Variants in ARHGAP29 observed in about 807,000 individuals in gnomAD.
ARHGAP29 encodes the protein Rho GTPase activating protein 29, also known as rho GTPase-activating protein 29.
ARHGAP29 carries 43 observed loss-of-function variants against 122.6 expected under a neutral mutation model. That is an observed-to-expected ratio of 0.35 (90% CI 0.27 to 0.45). The LOEUF (loss-of-function observed/expected upper bound fraction) is 0.45, where lower values mean the gene tolerates loss of function less well. Among genes scored for constraint, ARHGAP29 ranks in the 20% least tolerant of loss-of-function variants. The pLI, the probability that ARHGAP29 is intolerant of heterozygous loss-of-function variation, is 1.00. For missense variants in ARHGAP29, 1,303 were observed against 1,477.2 expected (o/e 0.88, Z 1.93); for synonymous variants, 506 against 497.1 (o/e 1.02, Z -0.24).
At chr1:94,178,214 T>C (rs1246381443) in intron 20 of ARHGAP29, 47 bp from the exon 21 acceptor site, 1 of 1,544,032 alleles carries the variant, frequency 6.5e-7, no homozygotes, top group Admixed American at 1.9e-5. Context: ...CCTATTAGAG[T>C]TCCTTGACTG....
At chr1:94,275,459 C>G (rs1040640535), upstream of ARHGAP29, among the ~76,000 whole-genome samples, 1 of 152,162 alleles carries the variant, frequency 6.6e-6, no homozygotes. Context: ...AGGAGTTCCT[C>G]TTTGTTAGGT....
intron 1 of ARHGAP29, among the ~76,000 whole-genome samples, chr1:94,257,979 G>A (rs1215805923): frequency 6.6e-6 from 1 of 152,176 alleles, no homozygotes; most frequent in African/African-American, 2.4e-5. Flanking sequence ...GATGATGATA[G>A]AAGCCCCGAT....
At chr1:94,300,478 C>T in the ARHGAP29 span, among the ~76,000 whole-genome samples, 2 of 152,180 alleles carry the variant, frequency 1.3e-5, no homozygotes, top group East Asian at 3.8e-4. Context: ...GTGCTGACCT[C>T]ATCTGACCTG....
At chr1:94,266,807 A>G (rs560121081) in intron 1 of ARHGAP29, among the ~76,000 whole-genome samples, 3 of 152,342 alleles carry the variant, frequency 2.0e-5, no homozygotes, top group African/African-American at 7.2e-5. Context: ...TTCACGTTCC[A>G]GAGACACATA....
At chr1:94,198,788 A>G (rs1305436849) in intron 12 of ARHGAP29, among the ~76,000 whole-genome samples, 1 of 152,216 alleles carries the variant, frequency 6.6e-6, no homozygotes, top group Non-Finnish European at 1.5e-5. Flanking sequence ...AAAATTTAAT[A>G]TCAATTCCAA....
Position 94,201,820 on chromosome 1 carries a change from G to A in ARHGAP29, c.1181C>T (p.Thr394Ile). The change falls in exon 12 of 23, where the codon ACA (threonine) becomes ATA (isoleucine). Residue 394 changes from threonine to isoleucine, a missense_variant. Thr to Ile is a moderately conservative substitution (Grantham distance 89). Around this residue, in one of 3 missense-constraint regions of ARHGAP29, gnomAD observed 592 missense variants for 648.2 expected, o/e 0.91. Transcript: ENST00000260526. ...EANELYKVCV[T>I]NVEERRNDLE... The stretch of plus-strand genomic sequence containing the variant: ...ATCATTTCTTCTTTCTTCAACATTT[G>A]TCACACAAACTTTGTAAAGTTCATT... The A allele has an allele frequency of 6.2e-7, 1 of 1,611,886 alleles. No individual in the cohort carries two copies. The highest frequency in any genetic ancestry group is 1.1e-5 in the South Asian group (1 of 90,732).
chr1:94,227,408 AAAAAG>A (rs1197559128), intron 2 of ARHGAP29, among the ~76,000 whole-genome samples: 1 of 151,730 alleles, frequency 6.6e-6, no homozygotes, highest in African/African-American at 2.4e-5. Flanking sequence ...ACCAAACCAA[AAAAAG>A]AAAAGAAAAA....
At chr1:94,247,615 G>A (rs535343166) in intron 1 of ARHGAP29, among the ~76,000 whole-genome samples, 1 of 151,420 alleles carries the variant, frequency 6.6e-6, no homozygotes, top group Admixed American at 6.6e-5. Context: ...CCACACCTAC[G>A]GCCGCCGCCA....
At chr1:94,279,268 G>A (rs1382635439), upstream of ARHGAP29, among the ~76,000 whole-genome samples, 3 of 152,158 alleles carry the variant, frequency 2.0e-5, no homozygotes, top group Admixed American at 6.6e-5. Flanking sequence ...CTTATAGTAT[G>A]AAGCAATACT....
chr1:94,177,694 G>A lies in ARHGAP29; in HGVS notation c.2823C>T (p.Ser941=). ...ATGATGTAGCTCGTTCAAAAATTTT[G>A]CTTTCACTCTCTGAAGTATGGATAT... ...KEDIHTSESE[S]KIFERATSFE... Residue 941 remains serine (S), a synonymous_variant, in exon 22 of 23, where the codon AGC becomes AGT. Transcript: ENST00000260526. The A allele has an allele frequency of 1.2e-6, 2 of 1,612,716 alleles. No individual in the cohort carries two copies. Among genetic ancestry groups the A allele is most frequent in the African/African-American group, 2.7e-5 (2 of 74,860 alleles).
At chr1:94,291,971 C>T in the ARHGAP29 span, among the ~76,000 whole-genome samples, 655 of 152,180 alleles carry the variant, frequency 4.3e-3, 3 homozygotes, top group African/African-American at 0.015. Context: ...TGGTGTTCTC[C>T]GTATTTCCCG....
intron 11 of ARHGAP29, 93 bp downstream of exon 11, chr1:94,202,451 C>A (rs1254637517): frequency 8.9e-6 from 13 of 1,461,392 alleles, no homozygotes; most frequent in Non-Finnish European, 1.2e-5. Context: ...CATGCCTTTC[C>A]AGGCAGTCTT....
Position 94,179,862 on chromosome 1 carries a change from C to A in ARHGAP29, c.2343G>T (p.Lys781Asn). The change falls in exon 20 of 23, where the codon AAG becomes AAT. Residue 781 changes from lysine (K) to asparagine (N), a missense_variant. By Grantham distance (94) the Lys-to-Asn change is moderately conservative (BLOSUM62 0). Coordinates refer to ENST00000260526, the MANE Select transcript of ARHGAP29 (RefSeq NM_004815.4). ...QHVNEEQETK[K>N]NSLEDKKWPN... ...GCCATTTTTTGTCTTCAAGACTATT[C>A]TTTTTTGTCTCTTGTTCTTCATTTA... is the stretch of plus-strand genomic sequence containing the variant. The A allele has an allele frequency of 6.2e-7, 1 of 1,613,154 alleles. No individual in the cohort carries two copies. The highest frequency in any genetic ancestry group is 1.1e-5 in the South Asian group (1 of 91,044).
chr1:94,314,489 C>T, the ARHGAP29 span, among the ~76,000 whole-genome samples: 2 of 152,218 alleles, frequency 1.3e-5, no homozygotes, highest in African/African-American at 2.4e-5. Context: ...ATAACACTTA[C>T]AGATGAAGTT....
Position 94,184,302 on chromosome 1 carries a change from GAAAAA to G in ARHGAP29, c.2110-19_2110-15del. 1 of 1,583,224 alleles carries G rather than the reference GAAAAA, an allele frequency of 6.3e-7. No homozygotes were observed. Among genetic ancestry groups the G allele is most frequent in the Non-Finnish European group, 8.5e-7 (1 of 1,170,876 alleles). On this transcript the variant is annotated splice_polypyrimidine_tract_variant and intron_variant, in intron 18 of 22. Coordinates refer to ENST00000260526, the MANE Select transcript of ARHGAP29 (RefSeq NM_004815.4). ...ACGATAAATTCCCTTCAATAGAAAA[GAAAAA>G]AATTTTGCAAAATTCTTCTTTAGTA... is the stretch of plus-strand genomic sequence containing the variant.
chr1:94,235,658 T>C (rs1049517901), intron 1 of ARHGAP29, among the ~76,000 whole-genome samples: 7 of 152,156 alleles, frequency 4.6e-5, no homozygotes, highest in Non-Finnish European at 8.8e-5. Flanking sequence ...TTGTGCAAAA[T>C]ATTTTTGACA....
At chr1:94,284,176 G>T in the ARHGAP29 span, among the ~76,000 whole-genome samples, 5 of 151,794 alleles carry the variant, frequency 3.3e-5, no homozygotes, top group African/African-American at 7.3e-5. Flanking sequence ...AAGGAAGGGA[G>T]AACTAATTTA....
intron 20 of ARHGAP29, among the ~76,000 whole-genome samples, chr1:94,178,622 G>A (rs1024157135): frequency 4.6e-5 from 7 of 152,096 alleles, no homozygotes; most frequent in Non-Finnish European, 8.8e-5. Flanking sequence ...TTATTTCTAT[G>A]ATTATTCAAG....
At chr1:94,226,931 G>A (rs1652646910) in intron 2 of ARHGAP29, among the ~76,000 whole-genome samples, 2 of 151,892 alleles carry the variant, frequency 1.3e-5, no homozygotes, top group Admixed American at 6.6e-5. Flanking sequence ...CTGGCACACT[G>A]TAAAGTTAAG....
Sources: allele counts gnomAD v4.1 joint callset (sites outside exome capture counted in the v4.1 genomes callset), GRCh38; gene constraint gnomAD v4.1.1; regional missense constraint gnomAD v4.1.1; transcripts MANE v1.5; gene names NCBI Gene and HGNC (gene_info 2026-07-23, HGNC 2026-07-21).